OGDHL: variants seen among roughly 807,000 people sequenced by gnomAD.
The protein encoded by OGDHL is 2-oxoglutarate dehydrogenase-like, mitochondrial.
OGDHL carries 79 observed loss-of-function variants against 109.6 expected under a neutral mutation model. The observed-to-expected ratio is 0.72, with a 90% confidence interval of 0.60 to 0.87. OGDHL has a LOEUF of 0.87. Among genes scored for constraint, OGDHL ranks in the 40% least tolerant of loss-of-function variants. The pLI, the probability that OGDHL is intolerant of heterozygous loss-of-function variation, is 0.00. For missense variants in OGDHL, 1,275 were observed against 1,362.2 expected (o/e 0.94, Z 1.01); for synonymous variants, 528 against 537.2 (o/e 0.98, Z 0.24).
Position 49,742,037 on chromosome 10 carries a change from C to T in OGDHL, c.2012+791G>A, listed in dbSNP as rs1333588076. On this transcript the variant is annotated intron_variant, in intron 15 of 22. Coordinates refer to ENST00000374103, the MANE Select transcript of OGDHL (RefSeq NM_018245.3). ...ACACATGCACCAAACATGACACATA[C>T]CACACATATCACACGCACACCACAC... Among the ~76,000 whole-genome samples the T allele has an allele frequency of 2.9e-5, 3 of 103,672 alleles. No individual in the cohort carries two copies. The South Asian group carries it at 1.1e-3, about 38-fold the overall frequency. 68.0% of individuals were successfully genotyped at this position (103,672 alleles called of 152,430 possible). A position where few individuals can be genotyped will look rare whatever the true frequency, so the allele number is the denominator to read the frequency against.
At chr10:49,742,708 G>T in intron 15 of OGDHL, 120 bp downstream of exon 15, 2 of 1,313,920 alleles carry the variant, frequency 1.5e-6, no homozygotes, top group South Asian at 1.5e-5. Flanking sequence ...GCCACCTGAG[G>T]GCAGGGGCTA....
chr10:49,746,116 T>A, intron 10 of OGDHL, 139 bp from the exon 11 acceptor site: 1 of 933,996 alleles, frequency 1.1e-6, no homozygotes, highest in Non-Finnish European at 1.6e-6. Context: ...AACAGGGTGA[T>A]GGTGAGCAGC....
In OGDHL at chr10:49,735,764, T is replaced by TAG. The variant is rs1841113056; in HGVS notation, c.2909+257_2909+258dup. 2.6e-5 allele frequency among the ~76,000 whole-genome samples: 4 copies of TAG among 152,320 alleles called. No individual in the cohort carries two copies. The South Asian group carries it at 8.3e-4, about 32-fold the overall frequency. On this transcript the variant is annotated intron_variant, in intron 22 of 22. Transcript: ENST00000374103. Reference sequence around the variant, plus strand: ...GATCTAATCTTATCACCGCCCTTTGTAGAGATGCAGGGACTAAGGCTCCAA... The same window carrying TAG: ...GATCTAATCTTATCACCGCCCTTTGTAGAGAGATGCAGGGACTAAGGCTCCAA...
At chr10:49,735,445 G>A in intron 22 of OGDHL, 94 bp from the exon 23 acceptor site, 1 of 1,461,220 alleles carries the variant, frequency 6.8e-7, no homozygotes, top group Non-Finnish European at 9.3e-7. Context: ...ACGCATCTGA[G>A]AACCGCTGAC....
At chr10:49,744,200 C>T in intron 13 of OGDHL, 78 bp from the exon 14 acceptor site, 1 of 1,551,268 alleles carries the variant, frequency 6.4e-7, no homozygotes, top group South Asian at 1.2e-5. Flanking sequence ...CTCCCCAGGA[C>T]TGAGTGGCCC....
chr10:49,754,939 A>G (rs1011458735), intron 3 of OGDHL, among the ~76,000 whole-genome samples: 24 of 152,218 alleles, frequency 1.6e-4, no homozygotes, highest in African/African-American at 5.5e-4. Flanking sequence ...TCCTGCTTCA[A>G]AGAAGCAGTA....
In OGDHL at chr10:49,752,752, GAA is replaced by G; in HGVS notation, c.376-14_376-13del. On this transcript the variant is annotated splice_polypyrimidine_tract_variant and intron_variant, in intron 3 of 22. Coordinates refer to ENST00000374103, the MANE Select transcript of OGDHL (RefSeq NM_018245.3). Reference sequence around the variant, plus strand: ...TGGTGACCCCGGATCTGGGAGGAGGGAAAAGAGCAGGGTGGGGCTGGGACCCA... The same window carrying G: ...TGGTGACCCCGGATCTGGGAGGAGGGAAGAGCAGGGTGGGGCTGGGACCCA... 6.2e-7 allele frequency: 1 copy of G among 1,605,186 alleles called. No homozygotes were observed. Among genetic ancestry groups the G allele is most frequent in the Non-Finnish European group, 8.5e-7 (1 of 1,172,318 alleles).
chr10:49,751,812 C>T lies in OGDHL; in HGVS notation c.749+15G>A, dbSNP rs528319821. ...GCAGGACCTCCAGCCACTTGGCCCT[C>T]CAGGTGGTGCCAACCTCATGGAGCG... On this transcript the variant is annotated intron_variant, in intron 6 of 22. Transcript: ENST00000374103. 1 of 1,612,240 alleles carries T rather than the reference C, an allele frequency of 6.2e-7. No individual in the cohort carries two copies. The highest frequency in any genetic ancestry group is 1.3e-5 in the African/African-American group (1 of 75,022).
At chr10:49,752,295 G>T in intron 4 of OGDHL, 47 bp from the exon 5 acceptor site, 3 of 1,452,978 alleles carry the variant, frequency 2.1e-6, no homozygotes, top group South Asian at 2.3e-5. Flanking sequence ...AGTGGAGGGA[G>T]GGAGGTCAGG....
rs1841213202 is a variant in OGDHL at position 49,736,608 on chromosome 10, T to C, written c.2591-88A>G. ...CCAGGCCTGCATCCCCAGGCTCTCC[T>C]TAGCCACTGACACTAACTGCAGGTT... is the stretch of plus-strand genomic sequence containing the variant. On this transcript the variant is annotated intron_variant, in intron 20 of 22. Transcript: ENST00000374103. The C allele has an allele frequency of 5.7e-6, 8 of 1,415,060 alleles. No individual in the cohort carries two copies. The South Asian group carries it at 6.7e-5, about 12-fold the overall frequency. 87.7% of individuals were successfully genotyped at this position (1,415,060 alleles called of 1,614,324 possible). A position where few individuals can be genotyped will look rare whatever the true frequency, so the allele number is the denominator to read the frequency against.
At chr10:49,760,235 A>G (rs1224610443) in intron 1 of OGDHL, among the ~76,000 whole-genome samples, 2 of 152,140 alleles carry the variant, frequency 1.3e-5, no homozygotes, top group Admixed American at 6.5e-5. Context: ...AGTGCCCCCA[A>G]GTTTCCCTCC....
rs920865427 is a variant in OGDHL at position 49,743,838 on chromosome 10, C to T, written c.1861+156G>A. ...CCCACCCTGAAAAGAGCTACTGTCA[C>T]GGGCACAGACATGGTGCCGAGAGCT... On this transcript the variant is annotated intron_variant, in intron 14 of 22. Transcript: ENST00000374103. The T allele has an allele frequency of 3.6e-5, 31 of 860,770 alleles. No individual in the cohort carries two copies. The East Asian group carries it at 6.9e-4, about 19-fold the overall frequency. 53.3% of individuals were successfully genotyped at this position (860,770 alleles called of 1,614,324 possible).
At chr10:49,751,689 C>T (rs1270480832) in intron 6 of OGDHL, 138 bp downstream of exon 6, 18 of 1,155,658 alleles carry the variant, frequency 1.6e-5, no homozygotes, top group South Asian at 4.5e-5. Context: ...CCCAACTCTC[C>T]TCCCTGCAGC....
chr10:49,760,277 G>A (rs1161171499), intron 1 of OGDHL, among the ~76,000 whole-genome samples: 2 of 152,208 alleles, frequency 1.3e-5, no homozygotes, highest in Admixed American at 1.3e-4. Flanking sequence ...TTCGGGTCAT[G>A]TGGCCCAGCC....
intron 6 of OGDHL, 85 bp downstream of exon 6, chr10:49,751,742 C>T: frequency 6.6e-7 from 1 of 1,517,736 alleles, no homozygotes. Flanking sequence ...GTGGTACCCT[C>T]CTGCTCTCTT....
rs1841321364 is a variant in OGDHL at position 49,737,892 on chromosome 10, G to A, written c.2518-34C>T. The A allele has an allele frequency of 1.9e-6, 3 of 1,614,068 alleles. No individual in the cohort carries two copies. The African/African-American group carries it at 4.0e-5, about 22-fold the overall frequency. On this transcript the variant is annotated intron_variant, in intron 19 of 22. Coordinates refer to ENST00000374103, the MANE Select transcript of OGDHL (RefSeq NM_018245.3). ...GAAATACACGCCCAGCTGCCAGCTG[G>A]CCCTGCCTGGCCAGGCCCCCTGCCT...
At chr10:49,757,773 T>C (rs1843003864) in intron 2 of OGDHL, among the ~76,000 whole-genome samples, 1 of 152,216 alleles carries the variant, frequency 6.6e-6, no homozygotes, top group Admixed American at 6.5e-5. Flanking sequence ...TGTTACAGGT[T>C]ACTTTTGCGT....
intron 6 of OGDHL, 140 bp downstream of exon 6, chr10:49,751,687 T>C: frequency 1.8e-6 from 2 of 1,133,814 alleles, no homozygotes; most frequent in Non-Finnish European, 2.5e-6. Context: ...GTCCCAACTC[T>C]CCTCCCTGCA....
intron 14 of OGDHL, 34 bp downstream of exon 14, chr10:49,743,959 AG>A: frequency 6.2e-7 from 1 of 1,602,120 alleles, no homozygotes; most frequent in Non-Finnish European, 8.5e-7. Context: ...GGGTGGGGCC[AG>A]CAGCCTGGGC....
Sources: allele counts gnomAD v4.1 joint callset (sites outside exome capture counted in the v4.1 genomes callset), GRCh38; gene constraint gnomAD v4.1.1; transcripts MANE v1.5; gene names NCBI Gene and HGNC (gene_info 2026-07-23, HGNC 2026-07-21).